Variants in CSGALNACT1 observed in about 807,000 individuals in gnomAD.
CSGALNACT1 encodes the protein beta4GalNAcT-1.
A neutral mutation model predicts 51.0 loss-of-function variants in CSGALNACT1; 52 were observed. The observed-to-expected ratio is 1.02, with a 90% confidence interval of 0.82 to 1.29. The LOEUF is 1.29. Among genes scored for constraint, CSGALNACT1 ranks in the 50% most tolerant of loss-of-function variants. CSGALNACT1 has a pLI of 0.00. For synonymous variants in CSGALNACT1, 341 were observed against 254.4 expected (o/e 1.34, Z -3.24); for missense variants, 935 against 679.2 (o/e 1.38, Z -4.19).
intron 1 of CSGALNACT1, among the ~76,000 whole-genome samples, chr8:19,652,938 C>A (rs2057942792): frequency 1.3e-5 from 2 of 152,332 alleles, no homozygotes; most frequent in African/African-American, 4.8e-5. Flanking sequence ...CACGCTCTTT[C>A]CCTCTACCCT....
chr8:19,584,803 C>T (rs1057042474), intron 3 of CSGALNACT1, among the ~76,000 whole-genome samples: 18 of 152,160 alleles, frequency 1.2e-4, no homozygotes, highest in Non-Finnish European at 2.5e-4. Context: ...TAAAGCATCT[C>T]TTTATGATTT....
chr8:19,488,085 C>T (rs1442239844), intron 4 of CSGALNACT1, among the ~76,000 whole-genome samples: 3 of 152,044 alleles, frequency 2.0e-5, no homozygotes, highest in South Asian at 2.1e-4. Flanking sequence ...CTCAGTGGCT[C>T]ATGCCTGTAA....
intron 1 of CSGALNACT1, among the ~76,000 whole-genome samples, chr8:19,616,678 C>G (rs947358843): frequency 6.6e-6 from 1 of 151,126 alleles, no homozygotes; most frequent in South Asian, 2.1e-4. Flanking sequence ...TACCTCCCCC[C>G]TCATTCTCTC....
At chr8:19,516,544 C>T (rs10105464) in intron 3 of CSGALNACT1, among the ~76,000 whole-genome samples, 50,866 of 152,070 alleles carry the variant, frequency 0.33, 11,553 homozygotes, top group African/African-American at 0.65. Context: ...CCCATGTAGC[C>T]GTGATCTGCA....
At chr8:19,527,283 G>C (rs554242904) in intron 3 of CSGALNACT1, among the ~76,000 whole-genome samples, 17 of 151,682 alleles carry the variant, frequency 1.1e-4, no homozygotes, top group African/African-American at 4.1e-4. Context: ...CTAGGTCTTG[G>C]AGGAGAAGGT....
upstream of CSGALNACT1, among the ~76,000 whole-genome samples, chr8:19,604,024 TCCTC>T (rs1190747307): frequency 6.6e-6 from 1 of 152,158 alleles, no homozygotes; most frequent in Non-Finnish European, 1.5e-5. Flanking sequence ...ATGGCTCAGC[TCCTC>T]CCTCTTTTTC....
At chr8:19,437,269 G>A (rs2060526305) in intron 6 of CSGALNACT1, among the ~76,000 whole-genome samples, 1 of 152,054 alleles carries the variant, frequency 6.6e-6, no homozygotes, top group African/African-American at 2.4e-5. Flanking sequence ...AAGGAGGGTG[G>A]AAGGAACTCC....
intron 1 of CSGALNACT1, among the ~76,000 whole-genome samples, chr8:19,619,941 C>T (rs2053601004): frequency 1.3e-5 from 2 of 152,148 alleles, no homozygotes; most frequent in African/African-American, 4.8e-5. Flanking sequence ...AATTATCCTT[C>T]TAAATTCTAG....
intron 1 of CSGALNACT1, among the ~76,000 whole-genome samples, chr8:19,664,923 A>G (rs994001993): frequency 1.3e-5 from 2 of 152,206 alleles, no homozygotes; most frequent in African/African-American, 4.8e-5. Flanking sequence ...AAATTACGTA[A>G]TGGGTACAAT....
At chr8:19,501,987 C>T (rs2076503817) in intron 4 of CSGALNACT1, among the ~76,000 whole-genome samples, 1 of 152,066 alleles carries the variant, frequency 6.6e-6, no homozygotes, top group Non-Finnish European at 1.5e-5. Context: ...AAAAGAGAGA[C>T]AAAAAATCAC....
At chr8:19,507,529 A>G (rs1237084164) in intron 3 of CSGALNACT1, among the ~76,000 whole-genome samples, 2 of 47,310 alleles carry the variant, frequency 4.2e-5, no homozygotes, top group African/African-American at 2.5e-4. Flanking sequence ...TCTTAGCCAG[A>G]AAAAAAAAAA....
At chr8:19,599,651 C>G (rs1206090808) in intron 2 of CSGALNACT1, among the ~76,000 whole-genome samples, 1 of 152,120 alleles carries the variant, frequency 6.6e-6, no homozygotes, top group Non-Finnish European at 1.5e-5. Context: ...TTAAGGTCTA[C>G]TTGGGCAAAT....
chr8:19,531,401 G>C (rs567191616), intron 3 of CSGALNACT1, among the ~76,000 whole-genome samples: 86 of 152,328 alleles, frequency 5.6e-4, no homozygotes, highest in African/African-American at 1.9e-3. Context: ...AAATTGCAGG[G>C]CAGGAGGCAG....
chr8:19,408,616 T>A, exon 9 of CSGALNACT1: 1 of 1,613,592 alleles, frequency 6.2e-7, no homozygotes, highest in Non-Finnish European at 8.5e-7. Context: ...GTCCTACCTA[T>A]ATTGATGAAG....
chr8:19,435,011 C>T (rs1024126285), intron 6 of CSGALNACT1, among the ~76,000 whole-genome samples: 19 of 152,130 alleles, frequency 1.2e-4, no homozygotes, highest in Admixed American at 4.6e-4. Flanking sequence ...TCCCTGATAA[C>T]GACAACAACC....
intron 1 of CSGALNACT1, among the ~76,000 whole-genome samples, chr8:19,679,011 C>T (rs997971065): frequency 6.6e-6 from 1 of 152,306 alleles, no homozygotes; most frequent in African/African-American, 2.4e-5. Context: ...ATCATTATCC[C>T]TATTCTATGA....
intron 1 of CSGALNACT1, among the ~76,000 whole-genome samples, chr8:19,708,803 T>C (rs1290107573): frequency 6.6e-6 from 1 of 152,208 alleles, no homozygotes; most frequent in Non-Finnish European, 1.5e-5. Flanking sequence ...TTGTTAGCAC[T>C]GAGTGGAGGG....
intron 4 of CSGALNACT1, among the ~76,000 whole-genome samples, chr8:19,478,923 T>C (rs1161199837): frequency 6.6e-6 from 1 of 152,196 alleles, no homozygotes; most frequent in African/African-American, 2.4e-5. Context: ...AGGTTGCTAA[T>C]GTTTGGATGG....
chr8:19,604,450 G>A (rs887013652), upstream of CSGALNACT1, among the ~76,000 whole-genome samples: 11 of 152,160 alleles, frequency 7.2e-5, no homozygotes, highest in African/African-American at 2.4e-4. Context: ...ACAGAAATGA[G>A]GCTCAAAGGT....
Sources: allele counts gnomAD v4.1 joint callset (sites outside exome capture counted in the v4.1 genomes callset), GRCh38; gene constraint gnomAD v4.1.1; transcripts MANE v1.5; gene names NCBI Gene and HGNC (gene_info 2026-07-23, HGNC 2026-07-21).